The following DGKB variants were observed in gnomAD, a reference collection of about 807,000 sequenced individuals.
DGKB encodes diacylglycerol kinase beta, also known as 90 kDa diacylglycerol kinase.
DGKB carries 67 observed loss-of-function variants against 114.3 expected under a neutral mutation model. The ratio of observed to expected loss-of-function variants is 0.59; its 90% CI spans 0.48 to 0.72. The LOEUF (loss-of-function observed/expected upper bound fraction) is 0.72. DGKB is among the 30% of genes least tolerant of loss of function. DGKB has a pLI of 0.00. For missense variants in DGKB, 907 were observed against 975.2 expected, an observed-to-expected ratio of 0.93 and a Z score of 0.93; for synonymous variants, 398 against 323.1, an observed-to-expected ratio of 1.23 and a Z score of -2.49.
At chr7:14,460,363 G>A (rs898779885) in intron 21 of DGKB, among the ~76,000 whole-genome samples, 2 of 151,716 alleles carry the variant, frequency 1.3e-5, no homozygotes, top group East Asian at 1.9e-4. Context: ...CACCTCACAT[G>A]CAAAGACACA....
chr7:14,319,143 G>C (rs1807226976), intron 23 of DGKB, among the ~76,000 whole-genome samples: 2 of 135,416 alleles, frequency 1.5e-5, no homozygotes, highest in African/African-American at 5.4e-5. Flanking sequence ...GTTGTGGGGT[G>C]AGGGGAGGGG....
chr7:14,301,599 G>T (rs2128489134), intron 23 of DGKB, among the ~76,000 whole-genome samples: 1 of 152,168 alleles, frequency 6.6e-6, no homozygotes, highest in South Asian at 2.1e-4. Context: ...TTGGTAATTT[G>T]GGCCAATCCT....
intron 2 of DGKB, among the ~76,000 whole-genome samples, chr7:14,803,756 T>C (rs1001944960): frequency 1.3e-4 from 20 of 152,288 alleles, no homozygotes; most frequent in South Asian, 6.2e-4. Context: ...TTCTGTATTT[T>C]CTTAGTATTT....
At chr7:14,863,469 T>G (rs1851273806) in intron 1 of DGKB, among the ~76,000 whole-genome samples, 1 of 151,846 alleles carries the variant, frequency 6.6e-6, no homozygotes, top group Non-Finnish European at 1.5e-5. Context: ...AATTTCATCT[T>G]TATATTAATT....
intron 2 of DGKB, among the ~76,000 whole-genome samples, chr7:14,763,405 C>T (rs1334926309): frequency 6.6e-6 from 1 of 152,036 alleles, no homozygotes; most frequent in South Asian, 2.1e-4. Context: ...GCAAAGTGTT[C>T]TATTATCTCA....
intron 23 of DGKB, among the ~76,000 whole-genome samples, chr7:14,317,250 C>T (rs1463986726): frequency 1.1e-5 from 1 of 88,422 alleles, no homozygotes; most frequent in Non-Finnish European, 2.3e-5. Flanking sequence ...TCTCTCACCA[C>T]TCCTATTCAA....
At chr7:14,917,364 T>G (rs1784294245) in intron 1 of DGKB, among the ~76,000 whole-genome samples, 1 of 151,964 alleles carries the variant, frequency 6.6e-6, no homozygotes, top group South Asian at 2.1e-4. Context: ...GCAATAAAAT[T>G]AGTGAACTTC....
At chr7:14,700,988 T>C (rs1190378746) in intron 7 of DGKB, among the ~76,000 whole-genome samples, 5 of 152,184 alleles carry the variant, frequency 3.3e-5, no homozygotes, top group Non-Finnish European at 5.9e-5. Flanking sequence ...TGCATGGTAC[T>C]GATCTGTGCA....
At chr7:14,918,777 A>G (rs1784364891) in intron 1 of DGKB, among the ~76,000 whole-genome samples, 1 of 152,088 alleles carries the variant, frequency 6.6e-6, no homozygotes, top group Admixed American at 6.6e-5. Context: ...TCTTAAGTTT[A>G]TATGGGGCTG....
At chr7:14,320,157 G>C (rs907537845) in intron 23 of DGKB, among the ~76,000 whole-genome samples, 1 of 152,116 alleles carries the variant, frequency 6.6e-6, no homozygotes, top group Non-Finnish European at 1.5e-5. Context: ...GAGCTGAGGG[G>C]GAGGCGGGGG....
At chr7:14,926,932 G>T (rs892871123) in intron 1 of DGKB, among the ~76,000 whole-genome samples, 2 of 152,050 alleles carry the variant, frequency 1.3e-5, no homozygotes, top group African/African-American at 2.4e-5. Flanking sequence ...TGGTTGGAAG[G>T]GTTCTGGTGA....
chr7:14,934,906 C>T (rs1183723243), intron 1 of DGKB, among the ~76,000 whole-genome samples: 4 of 152,160 alleles, frequency 2.6e-5, no homozygotes, highest in Admixed American at 1.3e-4. Flanking sequence ...AGTAAACCCA[C>T]ATAACTGAAT....
intron 20 of DGKB, among the ~76,000 whole-genome samples, chr7:14,490,440 G>A (rs756577560): frequency 4.6e-5 from 7 of 151,958 alleles, no homozygotes; most frequent in Non-Finnish European, 8.8e-5. Flanking sequence ...TTTCATCTAG[G>A]CAGCCACGTG....
chr7:14,676,269 C>T (rs1204556365), intron 12 of DGKB, among the ~76,000 whole-genome samples: 1 of 151,892 alleles, frequency 6.6e-6, no homozygotes, highest in Non-Finnish European at 1.5e-5. Flanking sequence ...TGGGCTCTGC[C>T]CTTTGGATAT....
At chr7:14,478,681 G>A (rs1381583632) in intron 20 of DGKB, among the ~76,000 whole-genome samples, 1 of 152,038 alleles carries the variant, frequency 6.6e-6, no homozygotes, top group African/African-American at 2.4e-5. Flanking sequence ...AGGATGGTGT[G>A]AGTGTGCATG....
At chr7:14,657,788 A>C (rs377008060) in intron 13 of DGKB, among the ~76,000 whole-genome samples, 1 of 151,930 alleles carries the variant, frequency 6.6e-6, no homozygotes, top group Non-Finnish European at 1.5e-5. Context: ...TTTCAGAATC[A>C]CAGAAGATTT....
At chr7:14,227,027 G>A (rs377603178) in intron 23 of DGKB, among the ~76,000 whole-genome samples, 31 of 151,980 alleles carry the variant, frequency 2.0e-4, no homozygotes, top group African/African-American at 7.0e-4. Flanking sequence ...TGCCCGCACC[G>A]CACCAGGCAA....
chr7:14,682,370 C>G (rs1820985247), intron 12 of DGKB, among the ~76,000 whole-genome samples, 183 bp downstream of exon 12: 2 of 152,088 alleles, frequency 1.3e-5, no homozygotes, highest in South Asian at 4.1e-4. Context: ...ATTCAGGACT[C>G]TATGGGGACA....
intron 23 of DGKB, among the ~76,000 whole-genome samples, chr7:14,229,270 T>C (rs1452193392): frequency 2.0e-5 from 3 of 151,958 alleles, no homozygotes; most frequent in African/African-American, 7.2e-5. Context: ...TACATTCTGA[T>C]AAGTGTGTTG....
Sources: allele counts gnomAD v4.1 joint callset (sites outside exome capture counted in the v4.1 genomes callset), GRCh38; gene constraint gnomAD v4.1.1; transcripts MANE v1.5; gene names NCBI Gene and HGNC (gene_info 2026-07-23, HGNC 2026-07-21).